Variants in SMARCD3 observed in about 807,000 individuals in gnomAD.
SMARCD3 encodes SWI/SNF related BAF chromatin remodeling complex subunit D3.
In SMARCD3, 14 loss-of-function variants were observed where a neutral mutation model predicts 58.0. The ratio of observed to expected loss-of-function variants is 0.24; its 90% CI spans 0.16 to 0.38. The LOEUF is 0.38. SMARCD3 is among the 10% of genes least tolerant of loss of function. The probability of loss-of-function intolerance (pLI) is 1.00; values close to 1 mark genes in which losing one functional copy is unlikely to be tolerated. For missense variants in SMARCD3, 408 were observed against 636.9 expected (o/e 0.64, Z 3.87); for synonymous variants, 253 against 253.8 (o/e 1.00, Z 0.03).
chr7:151,257,824 T>G (rs1803753097), intron 2 of SMARCD3, among the ~76,000 whole-genome samples: 1 of 151,678 alleles, frequency 6.6e-6, no homozygotes. Flanking sequence ...TCCTCGGAGA[T>G]CTCATCATTT....
chr7:151,265,649 C>A (rs948142800), intron 2 of SMARCD3, among the ~76,000 whole-genome samples: 1 of 152,230 alleles, frequency 6.6e-6, no homozygotes, highest in Non-Finnish European at 1.5e-5. Flanking sequence ...GGGTGCAAAG[C>A]ACAGGGCAGA....
chr7:151,242,707 CCGAA>C lies in SMARCD3; in HGVS notation c.456+10_456+13del. 1.2e-6 allele frequency: 2 copies of C among 1,614,084 alleles called. No homozygotes were observed. The highest frequency in any genetic ancestry group is 1.7e-6 in the Non-Finnish European group (2 of 1,179,978). On this transcript the variant is annotated intron_variant, in intron 4 of 12. Coordinates refer to ENST00000262188, the MANE Select transcript of SMARCD3 (RefSeq NM_001003801.2). The surrounding 1 kb of genome is among the most constrained non-coding windows in gnomAD (Gnocchi z 4.7). Reference sequence around the variant, plus strand: ...CAACTCTAGAGTCCCCTTCCTACCCCCGAACTAAGGCACCTTCATGGGCCTCTTC... The same window carrying C: ...CAACTCTAGAGTCCCCTTCCTACCCCCTAAGGCACCTTCATGGGCCTCTTC...
upstream of SMARCD3, chr7:151,248,847 G>GCCCC: frequency 4.2e-6 from 1 of 239,370 alleles, no homozygotes; most frequent in Non-Finnish European, 6.9e-6. This position sits in a 1 kb window ranked among gnomAD's most constrained non-coding sequence, Gnocchi z 6.1. Context: ...TGACTCGGCG[G>GCCCC]GGACGGGGCC....
At chr7:151,270,849 A>G (rs2150617120) in intron 2 of SMARCD3, among the ~76,000 whole-genome samples, 1 of 152,346 alleles carries the variant, frequency 6.6e-6, no homozygotes, top group Middle Eastern at 3.4e-3. Context: ...AGAAGATCAC[A>G]GTGTGTGGAC....
At chr7:151,263,535 A>C (rs1205316161) in intron 2 of SMARCD3, among the ~76,000 whole-genome samples, 2 of 152,122 alleles carry the variant, frequency 1.3e-5, no homozygotes, top group African/African-American at 4.8e-5. Flanking sequence ...CTTTCAAGCC[A>C]TCCAATTCCC....
At position 151,239,490 on chromosome 7, in the gene SMARCD3, G is replaced by A. The variant is rs780174447; in HGVS notation, c.1304C>T (p.Thr435Ile). 10 of 1,613,456 alleles carry A rather than the reference G, an allele frequency of 6.2e-6. No individual in the cohort carries two copies. The highest frequency in any genetic ancestry group is 8.5e-6 in the Non-Finnish European group (10 of 1,179,634). The change falls in exon 12 of 13, where the codon ACA (threonine) becomes ATA (isoleucine). Residue 435 changes from threonine to isoleucine, a missense_variant. Around this residue, in one of 4 missense-constraint regions of SMARCD3, gnomAD observed 81 missense variants for 109.7 expected, o/e 0.74. Coordinates refer to ENST00000262188, the MANE Select transcript of SMARCD3 (RefSeq NM_001003801.2). The surrounding 1 kb of genome is among the most constrained non-coding windows in gnomAD (Gnocchi z 7.0). ...RSQSRDLKVM[T>I]DVAGNPEEER... ...CTCTTCAGGGTTGCCGGCTACATCT[G>A]TCATCACCTGGGAGGGAGCGTGGGG...
At chr7:151,267,260 A>G (rs1160474713) in intron 2 of SMARCD3, among the ~76,000 whole-genome samples, 2 of 152,090 alleles carry the variant, frequency 1.3e-5, no homozygotes, top group African/African-American at 4.8e-5. Context: ...TTCTCTCCAC[A>G]CTCCAGGAAA....
In SMARCD3 at chr7:151,266,005, T is replaced by C. The variant is rs182859754; in HGVS notation, c.39+9109A>G. 2.2e-3 allele frequency among the ~76,000 whole-genome samples: 339 copies of C among 152,328 alleles called. 2 individuals carry two copies. Among genetic ancestry groups the C allele is most frequent in the African/African-American group, 7.8e-3 (323 of 41,568 alleles). ...CTTTCTTTGATACGGAGTCTCACTCTGTTGCCCAGGCTGGAGTGCAGTGGC... is the reference window on the plus strand; with the variant it reads ...CTTTCTTTGATACGGAGTCTCACTCCGTTGCCCAGGCTGGAGTGCAGTGGC... On this transcript the variant is annotated intron_variant, in intron 2 of 13. Transcript: ENST00000356800.
Position 151,248,595 on chromosome 7 carries a change from C to G in SMARCD3, c.-33G>C, listed in dbSNP as rs888681286. 4 of 1,611,662 alleles carry G rather than the reference C, an allele frequency of 2.5e-6. No individual in the cohort carries two copies. The African/African-American group carries it at 4.0e-5, about 16-fold the overall frequency. On this transcript the variant is annotated 5_prime_UTR_variant, in exon 1 of 13. Transcript: ENST00000262188. The surrounding 1 kb of genome is among the most constrained non-coding windows in gnomAD (Gnocchi z 6.1). ...GGCTCAGCGGCTCCTCTCACTCTCT[C>G]TCTCTCTTCCTCTTTCTTTCCCTTT...
chr7:151,239,201 A>T lies in SMARCD3; in HGVS notation c.1399-45T>A. On this transcript the variant is annotated intron_variant, in intron 12 of 12. Coordinates refer to ENST00000262188, the MANE Select transcript of SMARCD3 (RefSeq NM_001003801.2). This position sits in a 1 kb window ranked among gnomAD's most constrained non-coding sequence, Gnocchi z 7.0. ...AGGAGCAGGTGTCAGTGTTCTGGTG[A>T]GTGATCAGGACAATCCCACCTACTG... The T allele has an allele frequency of 1.3e-6, 2 of 1,599,798 alleles. No homozygotes were observed. Among genetic ancestry groups the T allele is most frequent in the South Asian group, 2.2e-5 (2 of 90,836 alleles).
intron 2 of SMARCD3, among the ~76,000 whole-genome samples, chr7:151,274,705 C>T (rs180899790): frequency 5.3e-5 from 8 of 152,314 alleles, no homozygotes; most frequent in African/African-American, 1.4e-4. Context: ...CGTATGTGCA[C>T]GCTTCTTCAT....
intron 1 of SMARCD3, chr7:151,276,559 T>G (rs1584903837): frequency 3.4e-5 from 3 of 88,034 alleles, no homozygotes; most frequent in African/African-American, 9.4e-5. Context: ...GGGGAGGAGG[T>G]GGTGTCACAG....
intron 1 of SMARCD3, chr7:151,275,317 A>G: frequency 1.5e-6 from 1 of 660,578 alleles, no homozygotes. Context: ...AGCTGCGAAG[A>G]AGCCAAACTC....
At chr7:151,276,150 G>C (rs1795334389) in intron 1 of SMARCD3, among the ~76,000 whole-genome samples, 2 of 151,460 alleles carry the variant, frequency 1.3e-5, no homozygotes, top group Admixed American at 1.3e-4. Flanking sequence ...GGGTCGGGGG[G>C]GAGGTGCCCT....
intron 2 of SMARCD3, among the ~76,000 whole-genome samples, chr7:151,254,729 C>A (rs957824408): frequency 2.6e-5 from 4 of 152,168 alleles, no homozygotes; most frequent in African/African-American, 9.7e-5. Flanking sequence ...ATGACAGTGT[C>A]AGGGCAATCC....
In SMARCD3 at chr7:151,273,426, C is replaced by A. The variant is rs544622422; in HGVS notation, c.39+1688G>T. On this transcript the variant is annotated intron_variant, in intron 2 of 13. Coordinates refer to the SMARCD3 transcript ENST00000356800. ...TGTCAAATATTAGGAGGACTCTCCA[C>A]GTGGGGGACCACTTCAGGTGCACCC... is the stretch of plus-strand genomic sequence containing the variant. Among the ~76,000 whole-genome samples the A allele has an allele frequency of 5.9e-5, 9 of 152,344 alleles. No homozygotes were observed. In the South Asian group the frequency reaches 1.5e-3, roughly 25 times the overall value.
chr7:151,259,601 GTTTTTTTTTTT>G (rs112223142), intron 2 of SMARCD3, among the ~76,000 whole-genome samples: 2,288 of 70,610 alleles, frequency 0.032, 140 homozygotes, highest in African/African-American at 0.13. Context: ...CAACCTGAGA[GTTTTTTTTTTT>G]TTTTTTTTTT....
In SMARCD3 at chr7:151,239,582, G is replaced by A; in HGVS notation, c.1296+42C>T. On this transcript the variant is annotated intron_variant, in intron 11 of 12. Coordinates refer to ENST00000262188, the MANE Select transcript of SMARCD3 (RefSeq NM_001003801.2). The surrounding 1 kb of genome is among the most constrained non-coding windows in gnomAD (Gnocchi z 7.0). ...CAACGTTTACTCTCTTTCCCGCTGT[G>A]CTTGTCTTCCACTCCAGTACTCCCT... is the stretch of plus-strand genomic sequence containing the variant. The A allele has an allele frequency of 6.2e-7, 1 of 1,613,536 alleles. No individual in the cohort carries two copies. Among genetic ancestry groups the A allele is most frequent in the Non-Finnish European group, 8.5e-7 (1 of 1,179,592 alleles).
rs1350821070 is a variant in SMARCD3 at position 151,258,575 on chromosome 7, A to AG, written c.40-12905_40-12904insC. On this transcript the variant is annotated intron_variant, in intron 2 of 13. Transcript: ENST00000356800. ...GTGAGACTCTGCCTAAAAAAAAAAAAAAAAAGAAAAAGAAAAAGAAAAAGG... is the reference window on the plus strand; with the variant it reads ...GTGAGACTCTGCCTAAAAAAAAAAAAGAAAAAGAAAAAGAAAAAGAAAAAGG... Among the ~76,000 whole-genome samples the AG allele has an allele frequency of 2.6e-5, 4 of 151,154 alleles. No homozygotes were observed. In the East Asian group the frequency reaches 5.8e-4, roughly 22 times the overall value.
Sources: gnomAD v4.1 joint callset for allele counts (sites outside exome capture counted in the v4.1 genomes callset) on GRCh38, gnomAD v4.1.1 for gene constraint, gnomAD v4.1.1 regional missense constraint, Gnocchi (gnomAD v3.1) non-coding constraint, MANE v1.5 for transcripts, NCBI Gene and HGNC (gene_info 2026-07-23, HGNC 2026-07-21) for gene names.